Variants in MAN1C1 observed in about 807,000 individuals in gnomAD.
The protein encoded by MAN1C1 is mannosyl-oligosaccharide 1,2-alpha-mannosidase IC.
In MAN1C1, 49 loss-of-function variants were observed where a neutral mutation model predicts 71.5. That is an observed-to-expected ratio of 0.69 (90% CI 0.54 to 0.87). The LOEUF (loss-of-function observed/expected upper bound fraction) is 0.87. Among genes scored for constraint, MAN1C1 ranks in the 40% least tolerant of loss-of-function variants. The pLI is 0.00. For missense variants in MAN1C1, 743 were observed against 835.0 expected (o/e 0.89, Z 1.36); for synonymous variants, 352 against 343.7 (o/e 1.02, Z -0.27).
At chr1:25,665,855 CTTTTTTTTTTT>C (rs757054975) in intron 1 of MAN1C1, among the ~76,000 whole-genome samples, 4 of 96,914 alleles carry the variant, frequency 4.1e-5, no homozygotes, top group African/African-American at 1.7e-4. Flanking sequence ...TTGGCATTGG[CTTTTTTTTTTT>C]TTTTTTTTTT....
At chr1:25,704,005 C>T (rs961436962) in intron 2 of MAN1C1, among the ~76,000 whole-genome samples, 2 of 152,194 alleles carry the variant, frequency 1.3e-5, no homozygotes, top group African/African-American at 4.8e-5. Context: ...CCCATCCCAT[C>T]ATCCAGCCTG....
chr1:25,668,774 G>A (rs901219977), intron 1 of MAN1C1, among the ~76,000 whole-genome samples: 10 of 151,962 alleles, frequency 6.6e-5, no homozygotes, highest in Non-Finnish European at 1.0e-4. Context: ...TAGCCAGGAT[G>A]GTCTCCATCT....
chr1:25,696,188 T>C (rs1042454017), intron 2 of MAN1C1, among the ~76,000 whole-genome samples: 3 of 152,210 alleles, frequency 2.0e-5, no homozygotes, highest in Non-Finnish European at 1.5e-5. Context: ...AAGAGCCTCC[T>C]TTTCTTCTCA....
intron 2 of MAN1C1, among the ~76,000 whole-genome samples, chr1:25,743,737 G>C (rs368723726): frequency 6.6e-6 from 1 of 152,236 alleles, no homozygotes; most frequent in African/African-American, 2.4e-5. Flanking sequence ...CTCCCAGCCT[G>C]ATCTAGAGGA....
chr1:25,740,793 C>T (rs760304316), intron 2 of MAN1C1, among the ~76,000 whole-genome samples: 5 of 151,602 alleles, frequency 3.3e-5, no homozygotes, highest in South Asian at 4.2e-4. Context: ...ATGGGTGGAT[C>T]GGGGAAGAGG....
At chr1:25,718,538 C>T (rs181666108) in intron 2 of MAN1C1, among the ~76,000 whole-genome samples, 44 of 152,338 alleles carry the variant, frequency 2.9e-4, no homozygotes, top group Middle Eastern at 6.8e-3. Flanking sequence ...TAAACATCAT[C>T]AGAATGTTTC....
In MAN1C1 at chr1:25,782,667, A is replaced by G. The variant is rs1192018199; in HGVS notation, c.1733A>G (p.Lys578Arg). Residue 578 changes from lysine (K) to arginine (R), a missense_variant, in exon 11 of 12, where the codon AAG becomes AGG. Physicochemically the swap from Lys to Arg is conservative, Grantham distance 26 (BLOSUM62 2). Coordinates refer to ENST00000374332, the MANE Select transcript of MAN1C1 (RefSeq NM_020379.4). The surrounding 1 kb of genome is among the most constrained non-coding windows in gnomAD (Gnocchi z 4.4). Reference sequence around the variant, plus strand: ...AGTAGCACCCCCAACCACGACAACAAGCAGCAGAGCTTCTTTCTAGCGGAG... The same window carrying G: ...AGTAGCACCCCCAACCACGACAACAGGCAGCAGAGCTTCTTTCTAGCGGAG... ...VYSSTPNHDNKQQSFFLAETL... is the reference protein window; with the variant it reads ...VYSSTPNHDNRQQSFFLAETL... The G allele has an allele frequency of 6.2e-7, 1 of 1,614,022 alleles. No homozygotes were observed. Among genetic ancestry groups the G allele is most frequent in the African/African-American group, 1.3e-5 (1 of 75,004 alleles).
At chr1:25,739,421 C>T (rs1370086628) in intron 2 of MAN1C1, among the ~76,000 whole-genome samples, 1 of 152,200 alleles carries the variant, frequency 6.6e-6, no homozygotes, top group African/African-American at 2.4e-5. Flanking sequence ...TAAATGCAGC[C>T]ATTAGTATGT....
chr1:25,674,155 C>T (rs1254881282), intron 1 of MAN1C1, among the ~76,000 whole-genome samples: 1 of 152,180 alleles, frequency 6.6e-6, no homozygotes, highest in Non-Finnish European at 1.5e-5. Context: ...ACCAAAGCCT[C>T]GCTGGGAAGG....
chr1:25,704,747 AG>A (rs1337477306), intron 2 of MAN1C1, among the ~76,000 whole-genome samples: 1 of 152,232 alleles, frequency 6.6e-6, no homozygotes, highest in African/African-American at 2.4e-5. Flanking sequence ...CTCAGCAGGC[AG>A]GGTCTCTTTG....
rs71004538 is a variant in MAN1C1 at position 25,769,390 on chromosome 1, TACAC to T, written c.1142-2251_1142-2248del. On this transcript the variant is annotated intron_variant, in intron 7 of 11. Coordinates refer to ENST00000374332, the MANE Select transcript of MAN1C1 (RefSeq NM_020379.4). The surrounding 1 kb of genome is among the most constrained non-coding windows in gnomAD (Gnocchi z 4.8). ...ACTCACCCCACACCCCATACATACATACACACACACACACACACAAGCTGTAAAG... is the reference window on the plus strand; with the variant it reads ...ACTCACCCCACACCCCATACATACATACACACACACACACAAGCTGTAAAG... 8.1e-5 allele frequency among the ~76,000 whole-genome samples: 12 copies of T among 148,648 alleles called. No homozygotes were observed. The highest frequency in any genetic ancestry group is 4.0e-4 in the East Asian group (2 of 4,960).
At chr1:25,760,399 G>A (rs6659489) in intron 6 of MAN1C1, 129,971 of 152,216 alleles carry the variant, frequency 0.85, 55,877 homozygotes, top group East Asian at 0.99. Flanking sequence ...CTTTTGCTCT[G>A]GAGTCCATCC....
chr1:25,758,907 G>A (rs12130495), intron 6 of MAN1C1, 198 bp downstream of exon 6: 3 of 585,116 alleles, frequency 5.1e-6, no homozygotes, highest in African/African-American at 1.9e-5. Flanking sequence ...AGGTGAGCAC[G>A]CAGAGTCAAT....
At chr1:25,763,210 G>A (rs755796875) in intron 6 of MAN1C1, among the ~76,000 whole-genome samples, 21 of 152,170 alleles carry the variant, frequency 1.4e-4, no homozygotes, top group Non-Finnish European at 2.9e-4. Flanking sequence ...GGAGGTTGCC[G>A]TGAGCTGAGA....
At chr1:25,652,224 C>T (rs1388264900) in intron 1 of MAN1C1, among the ~76,000 whole-genome samples, 1 of 152,192 alleles carries the variant, frequency 6.6e-6, no homozygotes, top group Admixed American at 6.5e-5. Context: ...TGTGTAGCTC[C>T]TGGAAGAGGC....
At chr1:25,738,560 CAG>C (rs1253966568) in intron 2 of MAN1C1, among the ~76,000 whole-genome samples, 1 of 152,158 alleles carries the variant, frequency 6.6e-6, no homozygotes, top group Non-Finnish European at 1.5e-5. Context: ...AAGGGCACAA[CAG>C]GGGACAGCTT....
intron 2 of MAN1C1, among the ~76,000 whole-genome samples, chr1:25,695,055 A>G (rs1160994642): frequency 1.3e-5 from 2 of 152,060 alleles, no homozygotes; most frequent in African/African-American, 4.8e-5. Flanking sequence ...TGAAAATACC[A>G]TAACTACTTG....
chr1:25,691,726 GGC>G (rs2046312289), intron 2 of MAN1C1, among the ~76,000 whole-genome samples: 1 of 152,118 alleles, frequency 6.6e-6, no homozygotes, highest in Non-Finnish European at 1.5e-5. Context: ...AAATGCCCAT[GGC>G]AGAAATCTTG....
intron 1 of MAN1C1, among the ~76,000 whole-genome samples, chr1:25,649,606 GC>G (rs1393876022): frequency 1.3e-5 from 2 of 152,196 alleles, no homozygotes; most frequent in Admixed American, 6.5e-5. Context: ...GGGTCACTGG[GC>G]TGCCTTTCCC....
Sources: gnomAD v4.1 joint callset for allele counts (sites outside exome capture counted in the v4.1 genomes callset) on GRCh38, gnomAD v4.1.1 for gene constraint, Gnocchi (gnomAD v3.1) non-coding constraint, MANE v1.5 for transcripts, NCBI Gene and HGNC (gene_info 2026-07-23, HGNC 2026-07-21) for gene names.